The following CERS3 variants were observed in gnomAD, a reference collection of about 807,000 sequenced individuals.
The protein encoded by CERS3 is ceramide synthase 3, also known as LAG1 homolog, ceramide synthase 3.
In CERS3, 33 loss-of-function variants were observed where a neutral mutation model predicts 50.3. The observed-to-expected ratio is 0.66, with a 90% CI of 0.50 to 0.88. The LOEUF (loss-of-function observed/expected upper bound fraction) is 0.88, where lower values mean the gene tolerates loss of function less well. CERS3 is among the 40% of genes least tolerant of loss of function. The probability of loss-of-function intolerance (pLI) is 0.00; values close to 1 mark genes in which losing one functional copy is unlikely to be tolerated. For synonymous variants in CERS3, 176 were observed against 155.2 expected, an observed-to-expected ratio of 1.13 and a Z score of -0.99; for missense variants, 470 against 460.3, an observed-to-expected ratio of 1.02 and a Z score of -0.19.
In CERS3 at chr15:100,435,984, G is replaced by C. The variant is rs1179773644; in HGVS notation, c.999+19909C>G. Among the ~76,000 whole-genome samples the C allele has an allele frequency of 2.0e-5, 3 of 152,212 alleles. No homozygotes were observed. The East Asian group carries it at 5.8e-4, about 29-fold the overall frequency. ...AAAAGTTAGGAAACAACAGATGCTG[G>C]TGAGGCTGTGGAGAAATAATGCTTT... On this transcript the variant is annotated intron_variant, in intron 11 of 11. Transcript: ENST00000679737.
intron 10 of CERS3, among the ~76,000 whole-genome samples, chr15:100,467,850 T>TATATATAGATAGATAGATAGATAG (rs145899470): frequency 4.3e-5 from 4 of 93,136 alleles, no homozygotes; most frequent in Non-Finnish European, 9.3e-5. Context: ...TATATATATA[T>TATATATAGATAGATAGATAGATAG]ATAGATAGAT....
At chr15:100,420,260 T>C (rs1211436527) in intron 11 of CERS3, among the ~76,000 whole-genome samples, 1 of 146,742 alleles carries the variant, frequency 6.8e-6, no homozygotes, top group African/African-American at 2.5e-5. Flanking sequence ...TCACCACCGA[T>C]CCCACAGAAA....
intron 11 of CERS3, among the ~76,000 whole-genome samples, chr15:100,442,568 C>G (rs2033726941): frequency 6.6e-6 from 1 of 152,194 alleles, no homozygotes; most frequent in Non-Finnish European, 1.5e-5. Flanking sequence ...CTACAAGTGC[C>G]AGAAATCTGG....
At chr15:100,450,416 C>CAAAAAAAAAAAAAAAAA (rs34873483) in intron 11 of CERS3, among the ~76,000 whole-genome samples, 1 of 63,464 alleles carries the variant, frequency 1.6e-5, no homozygotes, top group Non-Finnish European at 2.8e-5. Flanking sequence ...GACTCTGTCT[C>CAAAAAAAAAAAAAAAAA]AAAAAAAAAA....
upstream of CERS3, among the ~76,000 whole-genome samples, chr15:100,533,449 GTAGT>G (rs1435350967): frequency 6.6e-6 from 1 of 151,970 alleles, no homozygotes; most frequent in Non-Finnish European, 1.5e-5. Context: ...ACCACAGTAG[GTAGT>G]TACTTTTTGA....
At chr15:100,483,150 C>A (rs1203659559) in intron 5 of CERS3, among the ~76,000 whole-genome samples, 1 of 152,162 alleles carries the variant, frequency 6.6e-6, no homozygotes, top group Non-Finnish European at 1.5e-5. Context: ...TATGTCTTCC[C>A]TTCTCTAGAA....
chr15:100,421,200 A>G (rs1007588709), intron 11 of CERS3, among the ~76,000 whole-genome samples: 3 of 151,538 alleles, frequency 2.0e-5, no homozygotes, highest in Admixed American at 1.3e-4. Context: ...TCTCAGCCCA[A>G]AATCTCCTTA....
intron 3 of CERS3, 130 bp from the exon 4 acceptor site, chr15:100,491,061 G>A (rs1448323336): frequency 2.7e-5 from 16 of 588,198 alleles, no homozygotes; most frequent in African/African-American, 3.9e-5. Context: ...CTGGGGCTAC[G>A]TACAGCCAAA....
At chr15:100,509,555 A>G (rs1165095057) in intron 2 of CERS3, among the ~76,000 whole-genome samples, 1 of 152,240 alleles carries the variant, frequency 6.6e-6, no homozygotes, top group Non-Finnish European at 1.5e-5. Context: ...AAACTGAAGT[A>G]AAGGTATTTT....
intron 1 of CERS3, among the ~76,000 whole-genome samples, chr15:100,537,080 G>T (rs1196305678): frequency 6.6e-6 from 1 of 152,258 alleles, no homozygotes; most frequent in Non-Finnish European, 1.5e-5. Context: ...ATCCTACCCT[G>T]CCACTTGCTA....
At chr15:100,491,842 T>C (rs1186358011) in intron 3 of CERS3, among the ~76,000 whole-genome samples, 2 of 152,086 alleles carry the variant, frequency 1.3e-5, no homozygotes, top group Non-Finnish European at 2.9e-5. Flanking sequence ...AAATATGTTA[T>C]CTAATTTACA....
At chr15:100,482,956 T>C (rs12324003) in intron 5 of CERS3, among the ~76,000 whole-genome samples, 3,420 of 152,308 alleles carry the variant, frequency 0.022, 136 homozygotes, top group African/African-American at 0.078. Context: ...ACTTTTAACT[T>C]AGAATAAACA....
intron 4 of CERS3, among the ~76,000 whole-genome samples, chr15:100,489,839 G>A (rs1403730824): frequency 6.6e-6 from 1 of 152,208 alleles, no homozygotes; most frequent in Non-Finnish European, 1.5e-5. Context: ...ACAAGTTAGA[G>A]CCAGCTCTCA....
intron 1 of CERS3, among the ~76,000 whole-genome samples, chr15:100,523,921 T>C (rs2036712705): frequency 6.6e-6 from 1 of 152,216 alleles, no homozygotes; most frequent in South Asian, 2.1e-4. Context: ...CTGTCACATC[T>C]AGATTAATAC....
At chr15:100,443,026 C>T (rs1249843587) in intron 11 of CERS3, among the ~76,000 whole-genome samples, 2 of 151,824 alleles carry the variant, frequency 1.3e-5, no homozygotes, top group Non-Finnish European at 2.9e-5. Flanking sequence ...TTTTAGTTAT[C>T]CCCACCTGCC....
chr15:100,527,293 T>A (rs1384988419), intron 1 of CERS3, among the ~76,000 whole-genome samples: 1 of 152,004 alleles, frequency 6.6e-6, no homozygotes, highest in African/African-American at 2.4e-5. Flanking sequence ...CAAGACTCCA[T>A]CTCAAAAAAA....
At chr15:100,453,066 T>G (rs1345920945) in intron 11 of CERS3, among the ~76,000 whole-genome samples, 1 of 151,530 alleles carries the variant, frequency 6.6e-6, no homozygotes, top group East Asian at 1.9e-4. Flanking sequence ...TCCACCAAAT[T>G]TACAAAGAAG....
chr15:100,496,452 A>G (rs1435875875), intron 3 of CERS3, among the ~76,000 whole-genome samples: 2 of 152,248 alleles, frequency 1.3e-5, no homozygotes, highest in East Asian at 3.8e-4. Context: ...ATATGATTTC[A>G]CTTAAAGGAA....
At chr15:100,533,246 T>G (rs764299409), upstream of CERS3, among the ~76,000 whole-genome samples, 2 of 152,184 alleles carry the variant, frequency 1.3e-5, no homozygotes, top group Non-Finnish European at 2.9e-5. Context: ...CCACGTCACC[T>G]GTCACCTTCT....
Sources: gnomAD v4.1 joint callset for allele counts (sites outside exome capture counted in the v4.1 genomes callset) on GRCh38, gnomAD v4.1.1 for gene constraint, MANE v1.5 for transcripts, NCBI Gene and HGNC (gene_info 2026-07-23, HGNC 2026-07-21) for gene names.